Variants in CCDC178 observed in about 807,000 individuals in gnomAD.
The protein encoded by CCDC178 is coiled-coil domain containing 178.
A neutral mutation model predicts 117.4 loss-of-function variants in CCDC178; 126 were observed. That is an observed-to-expected ratio of 1.07 (90% CI 0.93 to 1.24). The LOEUF (loss-of-function observed/expected upper bound fraction) is 1.24. Among genes scored for constraint, CCDC178 ranks in the 50% most tolerant of loss-of-function variants. CCDC178 has a pLI of 0.00. For synonymous variants in CCDC178, 283 were observed against 313.4 expected (o/e 0.90, Z 1.02); for missense variants, 1,030 against 986.9 (o/e 1.04, Z -0.59).
intron 21 of CCDC178, among the ~76,000 whole-genome samples, chr18:33,047,604 A>G (rs1280438365): frequency 6.6e-6 from 1 of 152,176 alleles, no homozygotes; most frequent in African/African-American, 2.4e-5. Context: ...CTGTGAAATG[A>G]AAAGTGGTAC....
intron 15 of CCDC178, among the ~76,000 whole-genome samples, chr18:33,233,389 T>G (rs905478942): frequency 1.3e-5 from 2 of 152,078 alleles, no homozygotes; most frequent in Admixed American, 1.3e-4. Flanking sequence ...GGATAACACT[T>G]TTTTTCATAA....
chr18:33,038,739 G>A (rs1391883257), intron 21 of CCDC178, among the ~76,000 whole-genome samples: 1 of 151,970 alleles, frequency 6.6e-6, no homozygotes, highest in Non-Finnish European at 1.5e-5. Context: ...AGAGATGCTG[G>A]TAGTATCACT....
chr18:33,239,372 T>C (rs2059460089), intron 15 of CCDC178, among the ~76,000 whole-genome samples: 1 of 150,926 alleles, frequency 6.6e-6, no homozygotes, highest in Non-Finnish European at 1.5e-5. Context: ...ACCTTGAAAA[T>C]AAACAAATTA....
At chr18:33,078,800 A>G (rs1330442620) in intron 21 of CCDC178, among the ~76,000 whole-genome samples, 2 of 152,190 alleles carry the variant, frequency 1.3e-5, no homozygotes, top group Non-Finnish European at 2.9e-5. Flanking sequence ...AAATTGGAAA[A>G]CATTACATGC....
intron 20 of CCDC178, among the ~76,000 whole-genome samples, chr18:33,094,734 C>T (rs1053476694): frequency 6.6e-6 from 1 of 151,850 alleles, no homozygotes; most frequent in African/African-American, 2.4e-5. Context: ...TGAATGATAC[C>T]AGTTCTTCCA....
At chr18:33,105,254 A>G (rs1567991437) in intron 20 of CCDC178, among the ~76,000 whole-genome samples, 2 of 151,866 alleles carry the variant, frequency 1.3e-5, no homozygotes, top group Admixed American at 6.6e-5. Flanking sequence ...TACTTTTTAC[A>G]TGACACTATG....
At chr18:32,994,202 G>A (rs949647147) in intron 21 of CCDC178, among the ~76,000 whole-genome samples, 1 of 151,988 alleles carries the variant, frequency 6.6e-6, no homozygotes, top group African/African-American at 2.4e-5. Flanking sequence ...ACTCCTGAAT[G>A]CTTGTATTCC....
intron 21 of CCDC178, among the ~76,000 whole-genome samples, chr18:33,032,720 T>C (rs144743160): frequency 2.0e-4 from 31 of 152,180 alleles, no homozygotes; most frequent in African/African-American, 7.5e-4. Context: ...CAAGATGTCT[T>C]CAAGAATCTG....
chr18:33,168,094 C>A (rs1198851398), intron 20 of CCDC178, among the ~76,000 whole-genome samples: 1 of 152,054 alleles, frequency 6.6e-6, no homozygotes, highest in Non-Finnish European at 1.5e-5. Context: ...TTAATGAAGT[C>A]CCATTTGTCA....
At chr18:32,948,237 G>T (rs1230930126) in intron 22 of CCDC178, among the ~76,000 whole-genome samples, 1 of 152,048 alleles carries the variant, frequency 6.6e-6, no homozygotes, top group African/African-American at 2.4e-5. Context: ...TTATGAAAAA[G>T]CGTCTTGGAA....
At chr18:33,062,188 C>T (rs2056934226) in intron 21 of CCDC178, among the ~76,000 whole-genome samples, 1 of 152,084 alleles carries the variant, frequency 6.6e-6, no homozygotes, top group Non-Finnish European at 1.5e-5. Context: ...TCTAGCAAAA[C>T]AGATGCTCTA....
chr18:33,111,270 T>C (rs1159897427), intron 20 of CCDC178, among the ~76,000 whole-genome samples: 1 of 151,614 alleles, frequency 6.6e-6, no homozygotes, highest in African/African-American at 2.4e-5. Context: ...AATTCACTTA[T>C]TAGTTCTTAC....
chr18:33,351,658 T>A (rs997494771), intron 7 of CCDC178, among the ~76,000 whole-genome samples: 8 of 152,210 alleles, frequency 5.3e-5, no homozygotes, highest in Non-Finnish European at 8.8e-5. Context: ...TCCTCCAAAC[T>A]CAGTCTCTGG....
chr18:33,245,623 T>C (rs1173085716), intron 14 of CCDC178, among the ~76,000 whole-genome samples, 195 bp from the exon 15 acceptor site: 1 of 151,992 alleles, frequency 6.6e-6, no homozygotes, highest in African/African-American at 2.4e-5. Flanking sequence ...TTACCCCTAA[T>C]TGTCAGGCTG....
intron 21 of CCDC178, among the ~76,000 whole-genome samples, chr18:33,033,291 A>G (rs1461155447): frequency 1.3e-5 from 2 of 152,146 alleles, no homozygotes; most frequent in Admixed American, 1.3e-4. Context: ...TTTAAAAGAA[A>G]AAGCCTTTGA....
intron 12 of CCDC178, among the ~76,000 whole-genome samples, chr18:33,283,814 T>C (rs1273994363): frequency 3.3e-5 from 5 of 152,220 alleles, no homozygotes; most frequent in Admixed American, 3.3e-4. Context: ...GGTGGGACTG[T>C]AAATTAGTTC....
At chr18:33,400,405 T>C (rs762608583) in intron 3 of CCDC178, among the ~76,000 whole-genome samples, 1 of 152,218 alleles carries the variant, frequency 6.6e-6, no homozygotes, top group Admixed American at 6.5e-5. Context: ...CTGTTTTGCC[T>C]ACATTGAAAA....
Position 33,338,515 on chromosome 18 carries a change from CTT to C in CCDC178, c.659-5123_659-5122del, listed in dbSNP as rs561482621. Among the ~76,000 whole-genome samples the C allele has an allele frequency of 2.9e-4, 44 of 152,220 alleles. 4 individuals are homozygous for C. In the East Asian group the frequency reaches 8.3e-3, roughly 29 times the overall value. ...AACCAGCCCAAATGCCCATTAATCA[CTT>C]AGTGAATAAAGAAAATGTGGTACAT... On this transcript the variant is annotated intron_variant, in intron 9 of 22. Transcript: ENST00000383096.
chr18:33,299,441 A>T (rs938321245), intron 11 of CCDC178, among the ~76,000 whole-genome samples: 2 of 151,972 alleles, frequency 1.3e-5, no homozygotes, highest in African/African-American at 4.8e-5. Flanking sequence ...CCCTATACAC[A>T]AATCAAGTCA....
Sources: allele counts gnomAD v4.1 joint callset (sites outside exome capture counted in the v4.1 genomes callset), GRCh38; gene constraint gnomAD v4.1.1; transcripts MANE v1.5; gene names NCBI Gene and HGNC (gene_info 2026-07-23, HGNC 2026-07-21).